The following INTS10 variants were observed in gnomAD, a reference collection of about 807,000 sequenced individuals.
The protein encoded by INTS10 is chromosome 8 open reading frame 35.
Under a neutral mutation model 94.4 loss-of-function variants are expected in INTS10, and 44 were observed. That is an observed-to-expected ratio of 0.47 (90% CI 0.37 to 0.60). The LOEUF is 0.60. Ranked by LOEUF, INTS10 falls within the 20% of genes least tolerant of loss-of-function variation. The pLI, the probability that INTS10 is intolerant of heterozygous loss-of-function variation, is 0.00. For synonymous variants in INTS10, 341 were observed against 320.7 expected, an observed-to-expected ratio of 1.06 and a Z score of -0.68; for missense variants, 797 against 868.7, an observed-to-expected ratio of 0.92 and a Z score of 1.04.
intron 16 of INTS10, among the ~76,000 whole-genome samples, chr8:19,847,519 C>G (rs1377508864): frequency 6.6e-6 from 1 of 152,148 alleles, no homozygotes; most frequent in African/African-American, 2.4e-5. Context: ...TTAGTTAATT[C>G]CCATCAGCAG....
At chr8:19,819,215 T>C (rs1425674941) in intron 2 of INTS10, among the ~76,000 whole-genome samples, 1 of 152,356 alleles carries the variant, frequency 6.6e-6, no homozygotes, top group East Asian at 1.9e-4. Context: ...CTACTCATAC[T>C]GTTAATAAGA....
chr8:19,818,086 T>C, intron 1 of INTS10, 189 bp from the exon 2 acceptor site: 1 of 627,230 alleles, frequency 1.6e-6, no homozygotes, highest in Non-Finnish European at 2.9e-6. Context: ...GAGCCTGAGA[T>C]TGCAGGTGAA....
Position 19,849,125 on chromosome 8 carries a change from T to G in INTS10, c.1977-2524T>G. On this transcript the variant is annotated intron_variant, in intron 16 of 16. Coordinates refer to ENST00000397977, the MANE Select transcript of INTS10 (RefSeq NM_018142.4). The surrounding 1 kb of genome is among the most constrained non-coding windows in gnomAD (Gnocchi z 4.6). ...TTTTGCAGTGCAGGGTGAGTCGGTGTGGGTGTTTGAATGCTGCTGTTTGCT... is the reference window on the plus strand; with the variant it reads ...TTTTGCAGTGCAGGGTGAGTCGGTGGGGGTGTTTGAATGCTGCTGTTTGCT... 1 of 1,056,896 alleles carries G rather than the reference T, an allele frequency of 9.5e-7. No homozygotes were observed. Among genetic ancestry groups the G allele is most frequent in the South Asian group, 1.3e-5 (1 of 76,500 alleles). 65.5% of individuals were successfully genotyped at this position (1,056,896 alleles called of 1,614,324 possible).
Position 19,844,120 on chromosome 8 carries a change from T to C in INTS10, c.1764T>C (p.His588=), listed in dbSNP as rs1340141170. Reference sequence around the variant, plus strand: ...ACAGAGACGACATGGCATTGGGGCATGTGATTGTGTTGCTTCAGCAAGAGT... The same window carrying C: ...ACAGAGACGACATGGCATTGGGGCACGTGATTGTGTTGCTTCAGCAAGAGT... ...TDNRDDMALG[H]VIVLLQQEWP... Residue 588 remains histidine, a synonymous_variant, in exon 15 of 17, where the codon CAT becomes CAC. Transcript: ENST00000397977. 3 of 1,613,964 alleles carry C rather than the reference T, an allele frequency of 1.9e-6. No homozygotes were observed. The highest frequency in any genetic ancestry group is 3.3e-5 in the Admixed American group (2 of 59,990).
chr8:19,829,464 A>G (rs1281607220), intron 9 of INTS10, among the ~76,000 whole-genome samples: 3 of 151,678 alleles, frequency 2.0e-5, no homozygotes, highest in Non-Finnish European at 4.4e-5. Flanking sequence ...ATATTACTTG[A>G]GATGAAGAGC....
chr8:19,824,484 C>A, intron 7 of INTS10: 2 of 194,616 alleles, frequency 1.0e-5, no homozygotes, highest in Non-Finnish European at 9.6e-6. Flanking sequence ...AGAGTGAGAC[C>A]CTGTCTCTAA....
intron 16 of INTS10, chr8:19,848,908 A>G (rs926842962): frequency 5.7e-5 from 12 of 210,266 alleles, no homozygotes; most frequent in Middle Eastern, 2.2e-3. Context: ...ATACCACCTC[A>G]AAAGGGGGCT....
At chr8:19,820,580 C>T (rs966044065) in intron 4 of INTS10, 62 bp downstream of exon 4, 11 of 1,451,614 alleles carry the variant, frequency 7.6e-6, no homozygotes, top group Admixed American at 5.7e-5. Flanking sequence ...ACAGATTCAT[C>T]GGTATGGTGA....
chr8:19,827,600 T>C (rs2066903347), intron 9 of INTS10, among the ~76,000 whole-genome samples: 1 of 152,098 alleles, frequency 6.6e-6, no homozygotes, highest in Non-Finnish European at 1.5e-5. Flanking sequence ...GAATTCTCAT[T>C]GATCCCTCCT....
At chr8:19,819,748 AG>A in intron 3 of INTS10, 72 bp downstream of exon 3, 1 of 1,138,064 alleles carries the variant, frequency 8.8e-7, no homozygotes, top group South Asian at 1.3e-5. Flanking sequence ...CACACAAAAA[AG>A]TCACACCTGG....
At chr8:19,818,183 C>A in intron 1 of INTS10, 92 bp from the exon 2 acceptor site, 1 of 1,248,302 alleles carries the variant, frequency 8.0e-7, no homozygotes, top group Non-Finnish European at 1.2e-6. Context: ...TCAGGCCCTC[C>A]CTTCCTGCAG....
rs182845839 is a variant in INTS10 at position 19,842,574 on chromosome 8, C to G, written c.1640-274C>G. Among the ~76,000 whole-genome samples the G allele has an allele frequency of 4.1e-3, 630 of 152,270 alleles. 2 individuals are homozygous for G. The highest frequency in any genetic ancestry group is 5.0e-3 in the Non-Finnish European group (342 of 68,012). Reference sequence around the variant, plus strand: ...GGTGAGCACACCAGTGTTATATTCTCTCTATATAACTTTGTGTATATTTGA... The same window carrying G: ...GGTGAGCACACCAGTGTTATATTCTGTCTATATAACTTTGTGTATATTTGA... On this transcript the variant is annotated intron_variant, in intron 13 of 16. Coordinates refer to ENST00000397977, the MANE Select transcript of INTS10 (RefSeq NM_018142.4).
rs760852045 is a variant in INTS10 at position 19,851,681 on chromosome 8, G to C, written c.2009G>C (p.Gly670Ala). The C allele has an allele frequency of 1.2e-6, 2 of 1,614,172 alleles. No homozygotes were observed. Among genetic ancestry groups the C allele is most frequent in the East Asian group, 4.5e-5 (2 of 44,870 alleles). Reference sequence around the variant, plus strand: ...ACTGTAACTCGAGGCATCACCAAAGGCGTGAAGGAGGACTTTCGCCTGGCC... The same window carrying C: ...ACTGTAACTCGAGGCATCACCAAAGCCGTGAAGGAGGACTTTCGCCTGGCC... ...HHTVTRGITK[G>A]VKEDFRLAME... Residue 670 changes from glycine to alanine, a missense_variant, in exon 17 of 17, where the codon GGC becomes GCC. This residue lies in a region of INTS10 where 16 missense variants were observed against 39.1 expected (regional missense o/e 0.41). Coordinates refer to ENST00000397977, the MANE Select transcript of INTS10 (RefSeq NM_018142.4). This position sits in a 1 kb window ranked among gnomAD's most constrained non-coding sequence, Gnocchi z 5.0.
chr8:19,825,904 A>G (rs1011971255), intron 8 of INTS10, among the ~76,000 whole-genome samples: 4 of 152,210 alleles, frequency 2.6e-5, no homozygotes, highest in Admixed American at 6.5e-5. Flanking sequence ...TATTAGTGAC[A>G]GGGAATCTTT....
At chr8:19,829,927 C>T (rs1464531017) in intron 9 of INTS10, among the ~76,000 whole-genome samples, 1 of 152,148 alleles carries the variant, frequency 6.6e-6, no homozygotes, top group Non-Finnish European at 1.5e-5. Context: ...CTCGGCCTCC[C>T]GAAGTGCTGG....
rs1177702642 is a variant in INTS10 at position 19,851,983 on chromosome 8, CTATTTT to C, written c.*181_*186del. 9 of 433,618 alleles carry C rather than the reference CTATTTT, an allele frequency of 2.1e-5. No individual in the cohort carries two copies. The highest frequency in any genetic ancestry group is 3.6e-5 in the Non-Finnish European group (9 of 247,768). 26.9% of individuals were successfully genotyped at this position (433,618 alleles called of 1,614,324 possible). ...TTCCCAAGAGTCTGAGAAGCTATTT[CTATTTT>C]TAAGAGTCATTTTTTGTAATTTTTG... On this transcript the variant is annotated 3_prime_UTR_variant, in exon 17 of 17. Transcript: ENST00000397977. The surrounding 1 kb of genome is among the most constrained non-coding windows in gnomAD (Gnocchi z 5.0).
At position 19,831,529 on chromosome 8, in the gene INTS10, C is replaced by A. The variant is rs7836290; in HGVS notation, c.1295-499C>A. Reference sequence around the variant, plus strand: ...GCAAAACCCCGTCTCTATAAAAAAACAAAAACAAAACTTAGCCAAGAGTGA... The same window carrying A: ...GCAAAACCCCGTCTCTATAAAAAAAAAAAAACAAAACTTAGCCAAGAGTGA... On this transcript the variant is annotated intron_variant, in intron 10 of 16. Transcript: ENST00000397977. Among the ~76,000 whole-genome samples, 283 of 151,930 alleles carry A rather than the reference C, an allele frequency of 1.9e-3. 2 individuals carry two copies. The highest frequency in any genetic ancestry group is 0.016 in the Admixed American group (243 of 15,262).
At chr8:19,838,143 C>T (rs2067816680) in intron 13 of INTS10, among the ~76,000 whole-genome samples, 1 of 152,052 alleles carries the variant, frequency 6.6e-6, no homozygotes, top group African/African-American at 2.4e-5. Flanking sequence ...ATCGTTTGAG[C>T]CTAGAAGTTC....
intron 10 of INTS10, among the ~76,000 whole-genome samples, chr8:19,831,722 TG>T (rs2067241815): frequency 2.0e-5 from 3 of 152,076 alleles, no homozygotes; most frequent in African/African-American, 7.2e-5. Flanking sequence ...GACCTTGTTT[TG>T]GGGAAAGCAA....
Sources: gnomAD v4.1 joint callset for allele counts (sites outside exome capture counted in the v4.1 genomes callset) on GRCh38, gnomAD v4.1.1 for gene constraint, gnomAD v4.1.1 regional missense constraint, Gnocchi (gnomAD v3.1) non-coding constraint, MANE v1.5 for transcripts, NCBI Gene and HGNC (gene_info 2026-07-23, HGNC 2026-07-21) for gene names.